The following CHD9 variants were observed in gnomAD, a reference collection of about 807,000 sequenced individuals.
The protein encoded by CHD9 is chromodomain helicase DNA binding protein 9.
In CHD9, 77 loss-of-function variants were observed where a neutral mutation model predicts 316.1. The ratio of observed to expected loss-of-function variants is 0.24; its 90% confidence interval spans 0.20 to 0.29. The LOEUF (loss-of-function observed/expected upper bound fraction) is 0.29. Ranked by LOEUF, CHD9 falls within the 10% of genes least tolerant of loss-of-function variation. CHD9 has a pLI of 1.00. For missense variants in CHD9, 2,763 were observed against 3,438.1 expected (o/e 0.80, Z 4.91); for synonymous variants, 1,129 against 1,158.3 (o/e 0.97, Z 0.51).
At chr16:53,089,865 T>C (rs1207045126) in intron 1 of CHD9, among the ~76,000 whole-genome samples, 1 of 152,196 alleles carries the variant, frequency 6.6e-6, no homozygotes, top group East Asian at 1.9e-4. Flanking sequence ...CACCCTCACA[T>C]GACTGATCCC....
At chr16:53,203,066 AAAG>A (rs1297778411) in intron 2 of CHD9, among the ~76,000 whole-genome samples, 2 of 152,210 alleles carry the variant, frequency 1.3e-5, no homozygotes, top group Non-Finnish European at 2.9e-5. Context: ...ATAAAAATCA[AAAG>A]AAGCCACCAT....
chr16:53,251,662 A>G (rs888152258), intron 17 of CHD9, among the ~76,000 whole-genome samples: 1 of 152,230 alleles, frequency 6.6e-6, no homozygotes, highest in African/African-American at 2.4e-5. Context: ...ATAATTTGGG[A>G]GAAAAACTAG....
intron 1 of CHD9, among the ~76,000 whole-genome samples, chr16:53,108,821 GCTGAGATCGATCCATTGCA>G (rs1489071649): frequency 2.6e-5 from 4 of 151,876 alleles, no homozygotes; most frequent in African/African-American, 9.7e-5. Context: ...GTTGCAGTGA[GCTGAGATCGATCCATTGCA>G]CCGAGATCGA....
intron 34 of CHD9, chr16:53,310,816 A>C (rs566279561): frequency 1.3e-5 from 2 of 150,694 alleles, no homozygotes; most frequent in South Asian, 4.2e-4. Flanking sequence ...GGGCCATTGT[A>C]CTCCAGCCTG....
intron 2 of CHD9, among the ~76,000 whole-genome samples, chr16:53,173,530 T>C (rs12596395): frequency 0.48 from 73,307 of 151,748 alleles, 18,387 homozygotes; most frequent in African/African-American, 0.59. Flanking sequence ...TTTTGCTTTG[T>C]ACTTAATTTA....
intron 1 of CHD9, among the ~76,000 whole-genome samples, chr16:53,086,625 G>A (rs2035483264): frequency 6.6e-6 from 1 of 152,224 alleles, no homozygotes; most frequent in Admixed American, 6.5e-5. Context: ...AAAATCATTT[G>A]TGAGGTGCAT....
chr16:53,063,395 C>CAT (rs1178315595), intron 1 of CHD9, among the ~76,000 whole-genome samples: 1 of 148,570 alleles, frequency 6.7e-6, no homozygotes, highest in Non-Finnish European at 1.5e-5. Flanking sequence ...CACACACACA[C>CAT]ACACACAAAA....
intron 34 of CHD9, among the ~76,000 whole-genome samples, chr16:53,310,071 C>A (rs557831915): frequency 1.8e-4 from 28 of 152,310 alleles, no homozygotes; most frequent in African/African-American, 6.7e-4. Flanking sequence ...TCACTATTTC[C>A]AAATGCTGCT....
chr16:53,145,452 A>G (rs1282810843), intron 1 of CHD9, among the ~76,000 whole-genome samples: 1 of 151,336 alleles, frequency 6.6e-6, no homozygotes, highest in Non-Finnish European at 1.5e-5. Flanking sequence ...TGCCCGGCCA[A>G]TCCCAGCACT....
chr16:53,214,984 C>T (rs916412969), intron 3 of CHD9, among the ~76,000 whole-genome samples: 1 of 150,814 alleles, frequency 6.6e-6, no homozygotes, highest in Non-Finnish European at 1.5e-5. Flanking sequence ...CACATCTCCG[C>T]TCACTGCAAG....
At position 53,324,175 on chromosome 16, in the gene CHD9, G is replaced by T. The variant is rs561224716; in HGVS notation, c.7974G>T (p.Leu2658Phe). 2.5e-5 allele frequency: 40 copies of T among 1,614,012 alleles called. No homozygotes were observed. The South Asian group carries it at 2.5e-4, about 10-fold the overall frequency. ...ASATSVSGNPLLANGLLPGVD... is the reference protein window; with the variant it reads ...ASATSVSGNPFLANGLLPGVD... The stretch of plus-strand genomic sequence containing the variant: ...CCACCAGTGTTTCAGGCAATCCTTT[G>T]TTAGCCAATGGACTACTTCCAGGTG... Residue 2658 changes from leucine to phenylalanine, a missense_variant, in exon 39 of 39, where the codon TTG becomes TTT. Transcript: ENST00000447540.
intron 4 of CHD9, among the ~76,000 whole-genome samples, chr16:53,224,062 A>C (rs1187232329): frequency 6.6e-6 from 1 of 152,210 alleles, no homozygotes; most frequent in Non-Finnish European, 1.5e-5. Flanking sequence ...ATAGGAAAGA[A>C]GTGCAATGTT....
intron 1 of CHD9, among the ~76,000 whole-genome samples, chr16:53,122,925 G>T (rs1251534879): frequency 1.2e-4 from 18 of 148,898 alleles, no homozygotes; most frequent in Admixed American, 5.4e-4. Context: ...CACTGTGTTA[G>T]CCAGGATGGT....
chr16:53,314,545 C>G, intron 35 of CHD9, 29 bp downstream of exon 35: 1 of 1,504,000 alleles, frequency 6.6e-7, no homozygotes, highest in South Asian at 1.3e-5. Context: ...AAAAACTGAT[C>G]CTTGAATTCA....
chr16:53,278,444 G>T (rs1010460660), intron 24 of CHD9, among the ~76,000 whole-genome samples: 1 of 152,054 alleles, frequency 6.6e-6, no homozygotes, highest in Non-Finnish European at 1.5e-5. Context: ...AGAGAACCAA[G>T]AAATAAAGCC....
At chr16:53,293,281 A>G (rs1426776498) in intron 29 of CHD9, among the ~76,000 whole-genome samples, 1 of 151,980 alleles carries the variant, frequency 6.6e-6, no homozygotes, top group Non-Finnish European at 1.5e-5. Context: ...TACTGTAATC[A>G]TTTTTTTTGT....
chr16:53,287,983 C>T lies in CHD9; in HGVS notation c.5216C>T (p.Pro1739Leu), dbSNP rs1250068315. Residue 1739 changes from proline (P) to leucine (L), a missense_variant, in exon 27 of 39, where the codon CCT becomes CTT. Physicochemically the swap from Pro to Leu is moderately conservative, Grantham distance 98. Transcript: ENST00000447540. ...GATGTGGAAGATCCAGAATACAAAC[C>T]TGCCCCAGCCATCTTTAAAGATGAT... ...DGDVEDPEYK[P>L]APAIFKDDIE... is the part of the protein sequence containing the mutation. The T allele has an allele frequency of 6.2e-7, 1 of 1,611,264 alleles. No individual in the cohort carries two copies.
At chr16:53,320,591 T>C (rs1339732726) in intron 37 of CHD9, among the ~76,000 whole-genome samples, 2 of 152,182 alleles carry the variant, frequency 1.3e-5, no homozygotes, top group Non-Finnish European at 2.9e-5. Context: ...CCTATCAAGA[T>C]ATAGTATTTA....
chr16:53,302,070 T>C (rs964688193), intron 30 of CHD9, among the ~76,000 whole-genome samples: 1 of 152,134 alleles, frequency 6.6e-6, no homozygotes, highest in African/African-American at 2.4e-5. Flanking sequence ...GCCCTTCCTC[T>C]CTTAATGTTA....
Sources: allele counts gnomAD v4.1 joint callset (sites outside exome capture counted in the v4.1 genomes callset), GRCh38; gene constraint gnomAD v4.1.1; transcripts MANE v1.5; gene names NCBI Gene and HGNC (gene_info 2026-07-23, HGNC 2026-07-21).